The following CALCR variants were observed in gnomAD, a reference collection of about 807,000 sequenced individuals.
CALCR encodes the protein calcitonin receptor.
Under a neutral mutation model 59.5 loss-of-function variants are expected in CALCR, and 47 were observed. The observed-to-expected ratio is 0.79, with a 90% CI of 0.63 to 1.01. CALCR has a LOEUF of 1.01. Among genes scored for constraint, CALCR ranks in the 50% least tolerant of loss-of-function variants. The pLI is 0.00. For missense variants in CALCR, 566 were observed against 597.1 expected (o/e 0.95, Z 0.54); for synonymous variants, 213 against 211.3 (o/e 1.01, Z -0.07).
chr7:93,495,843 G>C, intron 2 of CALCR: 5 of 1,360,216 alleles, frequency 3.7e-6, no homozygotes, highest in Non-Finnish European at 5.0e-6. Flanking sequence ...ATTGTAAGAG[G>C]TTCAGTTACT....
At chr7:93,569,706 T>C (rs887481236) in intron 2 of CALCR, among the ~76,000 whole-genome samples, 3 of 152,140 alleles carry the variant, frequency 2.0e-5, no homozygotes, top group African/African-American at 7.2e-5. Flanking sequence ...AATAGGCACT[T>C]AGTACATATT....
chr7:93,468,409 A>G (rs1356105701), intron 7 of CALCR, among the ~76,000 whole-genome samples: 1 of 151,792 alleles, frequency 6.6e-6, no homozygotes, highest in Non-Finnish European at 1.5e-5. Context: ...TAACTTACCC[A>G]TGGTAAATGG....
chr7:93,470,055 C>T (rs756811157), intron 6 of CALCR, among the ~76,000 whole-genome samples: 21 of 151,710 alleles, frequency 1.4e-4, no homozygotes, highest in Non-Finnish European at 2.2e-4. Context: ...TCAAAATGGA[C>T]TAATTAGCTT....
intron 2 of CALCR, among the ~76,000 whole-genome samples, chr7:93,533,235 G>A (rs559561408): frequency 5.9e-5 from 9 of 151,992 alleles, no homozygotes; most frequent in African/African-American, 1.9e-4. Flanking sequence ...AATATTAGGC[G>A]AGGACTAACT....
intron 11 of CALCR, 143 bp downstream of exon 11, chr7:93,437,917 C>A: frequency 1.3e-6 from 1 of 783,554 alleles, no homozygotes; most frequent in East Asian, 2.7e-5. Flanking sequence ...AGTCTAAAAT[C>A]AAATTGCTTT....
At chr7:93,569,488 T>C (rs1329846713) in intron 2 of CALCR, among the ~76,000 whole-genome samples, 2 of 152,192 alleles carry the variant, frequency 1.3e-5, no homozygotes, top group African/African-American at 4.8e-5. Flanking sequence ...TTCTGTCATT[T>C]CAATGCTGAA....
At chr7:93,458,543 C>A (rs1175600501) in intron 8 of CALCR, among the ~76,000 whole-genome samples, 1 of 152,176 alleles carries the variant, frequency 6.6e-6, no homozygotes, top group Non-Finnish European at 1.5e-5. Flanking sequence ...GGCTGCCTTG[C>A]CCTCTGGTTT....
chr7:93,557,700 T>G (rs1268205239), intron 2 of CALCR, among the ~76,000 whole-genome samples: 1 of 152,010 alleles, frequency 6.6e-6, no homozygotes. Context: ...TGTATCATCT[T>G]GTGTTTCTCC....
chr7:93,430,126 G>C (rs1799627987), intron 13 of CALCR, among the ~76,000 whole-genome samples: 1 of 151,696 alleles, frequency 6.6e-6, no homozygotes, highest in African/African-American at 2.4e-5. Flanking sequence ...TAGTAGATAC[G>C]GGGCTTCACT....
rs568643456 is a variant in CALCR, at chr7:93,429,921, T to G, written c.1192-3332A>C. 1.2e-3 allele frequency among the ~76,000 whole-genome samples: 106 copies of G among 86,636 alleles called. 3 individuals are homozygous for G. In the East Asian group the frequency reaches 0.038, roughly 31 times the overall value. The allele number at this position is 86,636 out of a possible 152,430, so 56.8% of individuals were successfully genotyped here. Reference sequence around the variant, plus strand: ...AATTGCACACTTTAGACGGTTTTTTTTTTTGTTTGTTTGTTTTTTTGTTTT... The same window carrying G: ...AATTGCACACTTTAGACGGTTTTTTGTTTTGTTTGTTTGTTTTTTTGTTTT... On this transcript the variant is annotated intron_variant, in intron 13 of 13. Coordinates refer to ENST00000426151, the MANE Select transcript of CALCR (RefSeq NM_001742.4).
intron 5 of CALCR, among the ~76,000 whole-genome samples, chr7:93,477,108 AC>A (rs924131585): frequency 6.6e-5 from 10 of 151,862 alleles, no homozygotes; most frequent in African/African-American, 2.2e-4. Context: ...GAGCCACTTA[AC>A]CCCTGTAGGC....
intron 2 of CALCR, among the ~76,000 whole-genome samples, chr7:93,566,569 G>C (rs931715665): frequency 1.3e-5 from 2 of 152,198 alleles, no homozygotes; most frequent in African/African-American, 4.8e-5. Context: ...TACAGCAGCA[G>C]AGAGAGCATA....
intron 2 of CALCR, among the ~76,000 whole-genome samples, chr7:93,531,378 A>C (rs1187822702): frequency 6.6e-6 from 1 of 152,050 alleles, no homozygotes; most frequent in Non-Finnish European, 1.5e-5. Context: ...TTGAGATACT[A>C]AATTACTACC....
intron 2 of CALCR, among the ~76,000 whole-genome samples, chr7:93,569,323 A>G (rs946845182): frequency 3.3e-5 from 5 of 152,202 alleles, no homozygotes; most frequent in Admixed American, 2.6e-4. Flanking sequence ...TATGGTAGGC[A>G]TGCAAGCTTC....
At chr7:93,540,228 T>C (rs1223943608) in intron 2 of CALCR, among the ~76,000 whole-genome samples, 1 of 152,138 alleles carries the variant, frequency 6.6e-6, no homozygotes, top group Non-Finnish European at 1.5e-5. Context: ...TGTGAAACAG[T>C]TGCATGTGTA....
chr7:93,471,789 G>A (rs1052221634), intron 6 of CALCR, among the ~76,000 whole-genome samples: 2 of 151,778 alleles, frequency 1.3e-5, no homozygotes, highest in East Asian at 1.9e-4. Flanking sequence ...TTAGATAAAT[G>A]TTTCTAAGCA....
chr7:93,540,370 T>C (rs1789100757), intron 2 of CALCR, among the ~76,000 whole-genome samples: 1 of 152,184 alleles, frequency 6.6e-6, no homozygotes, highest in Non-Finnish European at 1.5e-5. Flanking sequence ...TATTTTGTGC[T>C]GATGCTCAAC....
At position 93,523,348 on chromosome 7, in the gene CALCR, T is replaced by C. The variant is rs28479938; in HGVS notation, c.-26-36341A>G. Among the ~76,000 whole-genome samples the C allele has an allele frequency of 4.2e-3, 643 of 152,310 alleles. 4 individuals are homozygous for C. The highest frequency in any genetic ancestry group is 0.015 in the African/African-American group (604 of 41,558). Reference sequence around the variant, plus strand: ...AAACACAGAAGGTGCTTAATAAAAGTCTTGAAATAGACTAGTGATAAAAGA... The same window carrying C: ...AAACACAGAAGGTGCTTAATAAAAGCCTTGAAATAGACTAGTGATAAAAGA... On this transcript the variant is annotated intron_variant, in intron 2 of 13. Coordinates refer to ENST00000426151, the MANE Select transcript of CALCR (RefSeq NM_001742.4).
At chr7:93,524,230 C>T (rs1445255287) in intron 2 of CALCR, among the ~76,000 whole-genome samples, 1 of 149,148 alleles carries the variant, frequency 6.7e-6, no homozygotes. Flanking sequence ...AGTGCAGTGG[C>T]ATGATCTCAG....
Sources: allele counts gnomAD v4.1 joint callset (sites outside exome capture counted in the v4.1 genomes callset), GRCh38; gene constraint gnomAD v4.1.1; transcripts MANE v1.5; gene names NCBI Gene and HGNC (gene_info 2026-07-23, HGNC 2026-07-21).